PRMT5: variants seen among roughly 807,000 people sequenced by gnomAD.
The protein encoded by PRMT5 is protein arginine N-methyltransferase 5.
In PRMT5, 15 loss-of-function variants were observed where a neutral mutation model predicts 84.0. That is an observed-to-expected ratio of 0.18 (90% CI 0.12 to 0.28). PRMT5 has a LOEUF of 0.28. Among genes scored for constraint, PRMT5 ranks in the 10% least tolerant of loss-of-function variants. The pLI is 1.00. For synonymous variants in PRMT5, 276 were observed against 292.4 expected, an observed-to-expected ratio of 0.94 and a Z score of 0.57; for missense variants, 486 against 808.0, an observed-to-expected ratio of 0.60 and a Z score of 4.83.
rs1363410872 is a variant in PRMT5 at position 22,923,847 on chromosome 14, T to C, written c.1375+161A>G. Among the ~76,000 whole-genome samples, 1 of 152,158 alleles carries C rather than the reference T, an allele frequency of 6.6e-6. No individual in the cohort carries two copies. Among genetic ancestry groups the C allele is most frequent in the Non-Finnish European group, 1.5e-5 (1 of 68,032 alleles). On this transcript the variant is annotated intron_variant, in intron 12 of 16. Coordinates refer to ENST00000324366, the MANE Select transcript of PRMT5 (RefSeq NM_006109.5). The surrounding 1 kb of genome is among the most constrained non-coding windows in gnomAD (Gnocchi z 5.2). Reference sequence around the variant, plus strand: ...ATATGAACACTAAGGTTTGGAGAGATGACTTCATTTGCTAGGGGCACAGAG... The same window carrying C: ...ATATGAACACTAAGGTTTGGAGAGACGACTTCATTTGCTAGGGGCACAGAG...
intron 3 of PRMT5, among the ~76,000 whole-genome samples, 185 bp from the exon 4 acceptor site, chr14:22,927,845 A>G (rs1333110166): frequency 1.3e-5 from 2 of 151,458 alleles, no homozygotes; most frequent in Non-Finnish European, 2.9e-5. Flanking sequence ...AGTAGCTGGG[A>G]CCACAGGCAT....
chr14:22,922,895 C>A (rs1024774046), intron 13 of PRMT5, 60 bp from the exon 14 acceptor site: 28 of 1,533,508 alleles, frequency 1.8e-5, no homozygotes, highest in Middle Eastern at 1.7e-4. Context: ...AGAACTACTT[C>A]CCCAAGGATT....
In PRMT5 at chr14:22,928,583, G is replaced by A. The variant is rs1594522930; in HGVS notation, c.143C>T (p.Pro48Leu). The A allele has an allele frequency of 6.2e-7, 1 of 1,614,056 alleles. No homozygotes were observed. Residue 48 changes from proline (P) to leucine (L), a missense_variant, in exon 2 of 17, where the codon CCG (proline) becomes CTG (leucine). Physicochemically the swap from Pro to Leu is moderately conservative, Grantham distance 98. Coordinates refer to ENST00000324366, the MANE Select transcript of PRMT5 (RefSeq NM_006109.5). The surrounding 1 kb of genome is among the most constrained non-coding windows in gnomAD (Gnocchi z 4.8). Reference protein sequence around the residue: ...FDFLCMPVFHPRFKREFIQEP... With the variant: ...FDFLCMPVFHLRFKREFIQEP... ...CTGAATGAACTCCCTCTTGAAACGC[G>A]GATGGAAGACAGGCATGCAGAGGAA...
In PRMT5 at chr14:22,924,414, C is replaced by G. The variant is rs2044371373; in HGVS notation, c.1077-22G>C. On this transcript the variant is annotated intron_variant, in intron 10 of 16. Coordinates refer to ENST00000324366, the MANE Select transcript of PRMT5 (RefSeq NM_006109.5). This position sits in a 1 kb window ranked among gnomAD's most constrained non-coding sequence, Gnocchi z 6.5. Reference sequence around the variant, plus strand: ...TACCCTAAGAAAGAAAGGGAAGAGTCAAGCAGACTTGGCATATACAGATAT... The same window carrying G: ...TACCCTAAGAAAGAAAGGGAAGAGTGAAGCAGACTTGGCATATACAGATAT... 1 of 1,613,988 alleles carries G rather than the reference C, an allele frequency of 6.2e-7. No individual in the cohort carries two copies. The highest frequency in any genetic ancestry group is 8.5e-7 in the Non-Finnish European group (1 of 1,180,006).
At chr14:22,925,162 TTTTTA>T in intron 7 of PRMT5, 122 bp from the exon 8 acceptor site, 6 of 1,108,872 alleles carry the variant, frequency 5.4e-6, no homozygotes, top group South Asian at 5.4e-5. Context: ...TTTTTTTTTT[TTTTTA>T]AAAAAAAAGA....
chr14:22,926,424 G>C, intron 6 of PRMT5, 82 bp downstream of exon 6: 4 of 1,593,876 alleles, frequency 2.5e-6, no homozygotes, highest in Non-Finnish European at 3.4e-6. Context: ...TAGCAAAATT[G>C]TATACTATAT....
In PRMT5 at chr14:22,924,592, C is replaced by T; in HGVS notation, c.1017+40G>A. 6.2e-7 allele frequency: 1 copy of T among 1,612,428 alleles called. No individual in the cohort carries two copies. Among genetic ancestry groups the T allele is most frequent in the Non-Finnish European group, 8.5e-7 (1 of 1,178,456 alleles). On this transcript the variant is annotated intron_variant, in intron 9 of 16. Coordinates refer to ENST00000324366, the MANE Select transcript of PRMT5 (RefSeq NM_006109.5). The surrounding 1 kb of genome is among the most constrained non-coding windows in gnomAD (Gnocchi z 6.5). ...GTAATCCCATCCTCCCCAGGTCATG[C>T]TGGCCCTGTGCTTTCCTCACCCTGG...
chr14:22,926,024 C>A, intron 7 of PRMT5, 109 bp downstream of exon 7: 2 of 1,232,510 alleles, frequency 1.6e-6, no homozygotes, highest in Non-Finnish European at 2.2e-6. Flanking sequence ...GAAATTGCTC[C>A]CCAGAAACCA....
Position 22,924,999 on chromosome 14 carries a change from T to C in PRMT5, c.819A>G (p.Ser273=). 6.8e-6 allele frequency: 11 copies of C among 1,614,116 alleles called. No individual in the cohort carries two copies. Among genetic ancestry groups the C allele is most frequent in the Non-Finnish European group, 9.3e-6 (11 of 1,180,018 alleles). Residue 273 remains serine (S), a synonymous_variant, in exon 8 of 17, where the codon TCA becomes TCG. Coordinates refer to ENST00000324366, the MANE Select transcript of PRMT5 (RefSeq NM_006109.5). The surrounding 1 kb of genome is among the most constrained non-coding windows in gnomAD (Gnocchi z 6.5). ...QFIITGTNHH[S]EKEFCSYLQY... The stretch of plus-strand genomic sequence containing the variant: ...GGAGGTAGGAGCAGAACTCCTTCTC[T>C]GAGTGGTGGTTGGTGCCTGTGATGA...
Position 22,928,470 on chromosome 14 carries a change from T to A in PRMT5, c.229+27A>T. 1 of 1,521,880 alleles carries A rather than the reference T, an allele frequency of 6.6e-7. No individual in the cohort carries two copies. The highest frequency in any genetic ancestry group is 1.4e-5 in the African/African-American group (1 of 72,984). The allele number at this position is 1,521,880 out of a possible 1,614,324, so 94.3% of individuals were successfully genotyped here. A position where few individuals can be genotyped will look rare whatever the true frequency, so the allele number is the denominator to read the frequency against. On this transcript the variant is annotated intron_variant, in intron 2 of 16. Coordinates refer to ENST00000324366, the MANE Select transcript of PRMT5 (RefSeq NM_006109.5). The surrounding 1 kb of genome is among the most constrained non-coding windows in gnomAD (Gnocchi z 4.8). ...CAGAAGTTGTTATTGCCTCTAATAA[T>A]TAAGGGGCATATGGGATGGTCCCTA...
rs2044312452 is a variant in PRMT5, at chr14:22,922,089, C to T, written c.1761+87G>A. The T allele has an allele frequency of 2.5e-6, 3 of 1,188,336 alleles. No homozygotes were observed. In the South Asian group the frequency reaches 3.7e-5, roughly 15 times the overall value. 73.6% of individuals were successfully genotyped at this position (1,188,336 alleles called of 1,614,324 possible). The stretch of plus-strand genomic sequence containing the variant: ...AAATCAGGAGAACATGAGTCATAGT[C>T]AACTATCTTCCTGGGAGAAGGAAAG... On this transcript the variant is annotated intron_variant, in intron 16 of 16. Transcript: ENST00000324366.
intron 7 of PRMT5, 87 bp downstream of exon 7, chr14:22,926,046 T>C: frequency 2.2e-6 from 3 of 1,347,366 alleles, no homozygotes; most frequent in Non-Finnish European, 3.0e-6. Flanking sequence ...AGAAAAAGAG[T>C]CAGCCTCACA....
chr14:22,922,314 T>C (rs988404856), intron 15 of PRMT5, 74 bp from the exon 16 acceptor site: 29 of 1,412,576 alleles, frequency 2.1e-5, no homozygotes, highest in Non-Finnish European at 2.9e-5. Flanking sequence ...GAGGGTCTCT[T>C]CTCTAATCAC....
chr14:22,925,819 CA>C (rs780242733), intron 7 of PRMT5, among the ~76,000 whole-genome samples: 86 of 134,446 alleles, frequency 6.4e-4, no homozygotes, highest in Middle Eastern at 3.7e-3. Flanking sequence ...GACCCTGTCT[CA>C]AAAAAAAAAA....
At position 22,926,251 on chromosome 14, in the gene PRMT5, C is replaced by T. The variant is rs768729897; in HGVS notation, c.659G>A (p.Arg220His). Residue 220 changes from arginine (R) to histidine (H), a missense_variant, in exon 7 of 17, where the codon CGC (arginine) becomes CAC (histidine). By Grantham distance (29) the Arg-to-His change is conservative. This residue lies in a region of PRMT5 where 215 missense variants were observed against 301.1 expected (regional missense o/e 0.71). Coordinates refer to ENST00000324366, the MANE Select transcript of PRMT5 (RefSeq NM_006109.5). ...ADLPSNHVID[R>H]WLGEPIKAAI... ...TGCTTTGATGGGCTCCCCAAGCCAGCGATCAATGACATGATTAGATGGGAG... is the reference window on the plus strand; with the variant it reads ...TGCTTTGATGGGCTCCCCAAGCCAGTGATCAATGACATGATTAGATGGGAG... 68 of 1,613,654 alleles carry T rather than the reference C, an allele frequency of 4.2e-5. No homozygotes were observed. Among genetic ancestry groups the T allele is most frequent in the Non-Finnish European group, 5.5e-5 (65 of 1,179,840 alleles).
chr14:22,927,360 C>A lies in PRMT5; in HGVS notation c.450+166G>T, dbSNP rs539696490. Among the ~76,000 whole-genome samples the A allele has an allele frequency of 2.0e-5, 3 of 152,182 alleles. No individual in the cohort carries two copies. In the South Asian group the frequency reaches 6.2e-4, roughly 32 times the overall value. On this transcript the variant is annotated intron_variant, in intron 4 of 16. Coordinates refer to ENST00000324366, the MANE Select transcript of PRMT5 (RefSeq NM_006109.5). ...CCTGAGCTCAGTGATCTGCCCACCT[C>A]AGCCTCCCAAAGTGCTGGGATTACA...
rs2044360813 is a variant in PRMT5 at position 22,923,982 on chromosome 14, C to A, written c.1375+26G>T. 1.3e-6 allele frequency: 2 copies of A among 1,531,054 alleles called. No homozygotes were observed. Among genetic ancestry groups the A allele is most frequent in the African/African-American group, 1.4e-5 (1 of 71,910 alleles). The allele number at this position is 1,531,054 out of a possible 1,614,324, so 94.8% of individuals were successfully genotyped here. ...TTGCTGTCTCACCCATCATCACCCT[C>A]CACCTACACCCCAACCTGGGGGCAC... On this transcript the variant is annotated intron_variant, in intron 12 of 16. Transcript: ENST00000324366. This position sits in a 1 kb window ranked among gnomAD's most constrained non-coding sequence, Gnocchi z 5.2.
At position 22,924,175 on chromosome 14, in the gene PRMT5, T is replaced by C. The variant is rs1321446015; in HGVS notation, c.1208A>G (p.Asn403Ser). 1 of 1,610,060 alleles carries C rather than the reference T, an allele frequency of 6.2e-7. No individual in the cohort carries two copies. The highest frequency in any genetic ancestry group is 8.5e-7 in the Non-Finnish European group (1 of 1,177,834). ...GCTTCCCCATTCTTCAAACTGCCAG[T>C]TCTCTAGCCTGAAACAGAGACAATA... is the stretch of plus-strand genomic sequence containing the variant. ...KNPNAVVTLE[N>S]WQFEEWGSQV... Residue 403 changes from asparagine (N) to serine (S), a missense_variant, in exon 12 of 17, where the codon AAC becomes AGC. This residue lies in a region of PRMT5 where 219 missense variants were observed against 433.6 expected (regional missense o/e 0.51). Coordinates refer to ENST00000324366, the MANE Select transcript of PRMT5 (RefSeq NM_006109.5). The surrounding 1 kb of genome is among the most constrained non-coding windows in gnomAD (Gnocchi z 6.5).
At position 22,926,486 on chromosome 14, in the gene PRMT5, C is replaced by T; in HGVS notation, c.613+20G>A. The T allele has an allele frequency of 6.2e-7, 1 of 1,613,868 alleles. No individual in the cohort carries two copies. Among genetic ancestry groups the T allele is most frequent in the South Asian group, 1.1e-5 (1 of 91,088 alleles). On this transcript the variant is annotated intron_variant, in intron 6 of 16. Transcript: ENST00000324366. Reference sequence around the variant, plus strand: ...GAGGTAAGAGAAGCCACACCCATCCCAGGATTCTCATGGACTCACCCACTG... The same window carrying T: ...GAGGTAAGAGAAGCCACACCCATCCTAGGATTCTCATGGACTCACCCACTG...
Sources: gnomAD v4.1 joint callset for allele counts (sites outside exome capture counted in the v4.1 genomes callset) on GRCh38, gnomAD v4.1.1 for gene constraint, gnomAD v4.1.1 regional missense constraint, Gnocchi (gnomAD v3.1) non-coding constraint, MANE v1.5 for transcripts, NCBI Gene and HGNC (gene_info 2026-07-23, HGNC 2026-07-21) for gene names.